TWIST2: variants seen among roughly 807,000 people sequenced by gnomAD.
The protein encoded by TWIST2 is twist family bHLH transcription factor 2.
A neutral mutation model predicts 11.6 loss-of-function variants in TWIST2; 1 was observed. That is an observed-to-expected ratio of 0.09 (90% confidence interval 0.03 to 0.41). TWIST2 has a LOEUF of 0.41. Among genes scored for constraint, TWIST2 ranks in the 10% least tolerant of loss-of-function variants. The pLI, the probability that TWIST2 is intolerant of heterozygous loss-of-function variation, is 0.98. For synonymous variants in TWIST2, 87 were observed against 96.6 expected, an observed-to-expected ratio of 0.90 and a Z score of 0.58; for missense variants, 168 against 226.4, an observed-to-expected ratio of 0.74 and a Z score of 1.66.
intron 1 of TWIST2, among the ~76,000 whole-genome samples, chr2:238,877,096 C>T (rs553894229): frequency 3.3e-5 from 5 of 152,186 alleles, no homozygotes; most frequent in South Asian, 2.1e-4. Flanking sequence ...ACTCAGGAGG[C>T]TGACGCAGGA....
At chr2:238,871,902 G>A (rs141732218) in intron 1 of TWIST2, among the ~76,000 whole-genome samples, 1 of 152,096 alleles carries the variant, frequency 6.6e-6, no homozygotes, top group Non-Finnish European at 1.5e-5. Context: ...GGGAGGAGTG[G>A]GAAGTGCGTG....
intron 1 of TWIST2, among the ~76,000 whole-genome samples, chr2:238,893,530 C>A (rs1693173435): frequency 6.6e-6 from 1 of 152,220 alleles, no homozygotes; most frequent in Admixed American, 6.5e-5. Context: ...GCCCCGGAGC[C>A]TGGACACCTA....
chr2:238,897,450 A>G (rs983489049), intron 1 of TWIST2, among the ~76,000 whole-genome samples: 2,505 of 152,022 alleles, frequency 0.016, 70 homozygotes, highest in African/African-American at 0.056. Flanking sequence ...CCCCTACAGC[A>G]CCCAGCAAGG....
At chr2:238,860,609 G>A (rs1279808089) in intron 1 of TWIST2, among the ~76,000 whole-genome samples, 1 of 152,186 alleles carries the variant, frequency 6.6e-6, no homozygotes, top group Admixed American at 6.5e-5. Context: ...AATCCCAAAG[G>A]ATCTCACCAA....
chr2:238,855,903 G>A (rs550166850), intron 1 of TWIST2, among the ~76,000 whole-genome samples: 19 of 152,204 alleles, frequency 1.2e-4, no homozygotes, highest in Non-Finnish European at 2.6e-4. Context: ...CCTCTCCTTC[G>A]TGGGCTCATG....
chr2:238,850,571 A>G (rs983903896), intron 1 of TWIST2, among the ~76,000 whole-genome samples: 3 of 152,232 alleles, frequency 2.0e-5, no homozygotes, highest in African/African-American at 7.2e-5. Context: ...TGCTGCTAGA[A>G]TTTAGTAGGA....
chr2:238,907,292 G>C (rs1693368740), intron 1 of TWIST2, among the ~76,000 whole-genome samples: 2 of 152,188 alleles, frequency 1.3e-5, no homozygotes, highest in Non-Finnish European at 2.9e-5. Flanking sequence ...TGTACACCCT[G>C]GGTCTCAGAC....
chr2:238,896,711 G>A (rs1308007737), intron 1 of TWIST2, among the ~76,000 whole-genome samples: 6 of 152,194 alleles, frequency 3.9e-5, no homozygotes, highest in Admixed American at 3.9e-4. Context: ...AGTCATTCCT[G>A]GGAAGGCCTG....
intron 1 of TWIST2, among the ~76,000 whole-genome samples, chr2:238,891,057 C>A (rs148459576): frequency 1.4e-4 from 21 of 152,354 alleles, no homozygotes; most frequent in African/African-American, 4.8e-4. Flanking sequence ...CTCAGTTCTG[C>A]AGTTCACTCA....
intron 1 of TWIST2, among the ~76,000 whole-genome samples, chr2:238,849,183 C>A (rs1692192515): frequency 1.3e-5 from 2 of 152,176 alleles, no homozygotes; most frequent in Non-Finnish European, 2.9e-5. Context: ...TGTTGCCGGG[C>A]GAATGGCTTC....
chr2:238,898,814 G>C (rs1693236668), intron 1 of TWIST2, among the ~76,000 whole-genome samples: 1 of 152,270 alleles, frequency 6.6e-6, no homozygotes, highest in Admixed American at 6.5e-5. Context: ...AGTTGGCAGA[G>C]GGTCCCGGCC....
At chr2:238,902,646 A>ATGGTGTGTGTG (rs1693284113) in intron 1 of TWIST2, among the ~76,000 whole-genome samples, 2 of 122,122 alleles carry the variant, frequency 1.6e-5, no homozygotes, top group African/African-American at 6.4e-5. Context: ...GAGGTGTGTG[A>ATGGTGTGTGTG]TGGTGTGTGT....
chr2:238,866,610 T>A lies in TWIST2; in HGVS notation c.*35+17877T>A, dbSNP rs1238592109. 2.0e-5 allele frequency among the ~76,000 whole-genome samples: 3 copies of A among 151,890 alleles called. No individual in the cohort carries two copies. Among genetic ancestry groups the A allele is most frequent in the African/African-American group, 7.3e-5 (3 of 41,316 alleles). On this transcript the variant is annotated intron_variant, in intron 1 of 1. Transcript: ENST00000612363. The surrounding 1 kb of genome is among the most constrained non-coding windows in gnomAD (Gnocchi z 4.9). ...AGGCGGAGGTTGCAGTGAGCTGAGA[T>A]CGCGCCACTGTACTCCAGCCTGGGT...
chr2:238,876,328 A>G (rs958214002), intron 1 of TWIST2, among the ~76,000 whole-genome samples: 1 of 152,232 alleles, frequency 6.6e-6, no homozygotes, highest in African/African-American at 2.4e-5. Context: ...AAAAATGACT[A>G]CAAAGTGTCT....
At chr2:238,870,599 A>C (rs1692662744) in intron 1 of TWIST2, among the ~76,000 whole-genome samples, 2 of 87,736 alleles carry the variant, frequency 2.3e-5, no homozygotes, top group African/African-American at 4.9e-5. Context: ...CACACACCCC[A>C]CACACACATC....
chr2:238,857,165 C>T (rs188685594), intron 1 of TWIST2, among the ~76,000 whole-genome samples: 78 of 152,210 alleles, frequency 5.1e-4, no homozygotes, highest in Admixed American at 1.5e-3. Context: ...CCCTGCATGA[C>T]GGGCGGGCCC....
intron 1 of TWIST2, among the ~76,000 whole-genome samples, chr2:238,856,067 G>T (rs561933852): frequency 1.3e-5 from 2 of 152,146 alleles, no homozygotes; most frequent in African/African-American, 4.8e-5. Context: ...CCTGGGGGCC[G>T]TGCGGTGGCT....
intron 1 of TWIST2, among the ~76,000 whole-genome samples, chr2:238,888,605 A>G (rs1174821923): frequency 6.6e-6 from 1 of 152,238 alleles, no homozygotes; most frequent in Non-Finnish European, 1.5e-5. Context: ...AATTACATGC[A>G]TTAAAAATGG....
chr2:238,880,835 T>C (rs971790483), intron 1 of TWIST2, among the ~76,000 whole-genome samples: 1 of 123,426 alleles, frequency 8.1e-6, no homozygotes, highest in African/African-American at 3.0e-5. Flanking sequence ...TTATTGGTAT[T>C]AGTGTTAGTA....
Sources: gnomAD v4.1 joint callset for allele counts (sites outside exome capture counted in the v4.1 genomes callset) on GRCh38, gnomAD v4.1.1 for gene constraint, Gnocchi (gnomAD v3.1) non-coding constraint, MANE v1.5 for transcripts, NCBI Gene and HGNC (gene_info 2026-07-23, HGNC 2026-07-21) for gene names.